ACSS1: variants seen among roughly 807,000 people sequenced by gnomAD.
ACSS1 encodes the protein acyl-CoA synthetase short chain family member 1.
In ACSS1, 42 loss-of-function variants were observed where a neutral mutation model predicts 75.3. That is an observed-to-expected ratio of 0.56 (90% CI 0.44 to 0.72). ACSS1 has a LOEUF of 0.72. ACSS1 is among the 30% of genes least tolerant of loss of function. The pLI is 0.00. For missense variants in ACSS1, 782 were observed against 935.7 expected (o/e 0.84, Z 2.14); for synonymous variants, 380 against 376.8 (o/e 1.01, Z -0.10).
chr20:25,055,080 A>G (rs1600355507), intron 1 of ACSS1, among the ~76,000 whole-genome samples: 1 of 152,308 alleles, frequency 6.6e-6, no homozygotes, highest in Middle Eastern at 3.4e-3. Flanking sequence ...CTTCTGTTTT[A>G]TGGAATGGGG....
At chr20:25,013,442 C>G in intron 10 of ACSS1, 94 bp downstream of exon 10, 1 of 1,477,422 alleles carries the variant, frequency 6.8e-7, no homozygotes, top group Non-Finnish European at 9.1e-7. Context: ...CACAGTGTTA[C>G]GCTGCACTCA....
chr20:25,023,158 CT>C lies in ACSS1; in HGVS notation c.808-67del. The C allele has an allele frequency of 1.9e-6, 3 of 1,541,848 alleles. No individual in the cohort carries two copies. In the South Asian group the frequency reaches 3.7e-5, roughly 19 times the overall value. ...AGCCTCTCTGAGAGCAGCACTCCCC[CT>C]CCGCAGCAGGACTCCACACACAGGA... On this transcript the variant is annotated intron_variant, in intron 4 of 13. Transcript: ENST00000323482.
At chr20:25,036,039 C>A (rs957216486) in intron 2 of ACSS1, among the ~76,000 whole-genome samples, 2 of 152,194 alleles carry the variant, frequency 1.3e-5, no homozygotes, top group Admixed American at 6.5e-5. Flanking sequence ...TTATGTAGCA[C>A]CCTAGTGGGT....
intron 2 of ACSS1, among the ~76,000 whole-genome samples, chr20:25,039,901 C>A (rs1292031247): frequency 6.6e-6 from 1 of 152,212 alleles, no homozygotes; most frequent in African/African-American, 2.4e-5. Flanking sequence ...CTGCGGGAAC[C>A]AGGTGTCAAT....
intron 10 of ACSS1, 64 bp from the exon 11 acceptor site, chr20:25,013,003 G>A: frequency 6.2e-7 from 1 of 1,609,526 alleles, no homozygotes; most frequent in Non-Finnish European, 8.5e-7. Flanking sequence ...CCCAACCTCA[G>A]TAAGCGTGAA....
At chr20:25,053,060 CTT>C (rs1171891974) in intron 1 of ACSS1, among the ~76,000 whole-genome samples, 30 of 118,100 alleles carry the variant, frequency 2.5e-4, no homozygotes, top group Middle Eastern at 4.5e-3. Context: ...TCACAATGAG[CTT>C]TTTTTTTTTT....
intron 2 of ACSS1, among the ~76,000 whole-genome samples, chr20:25,041,485 C>T (rs1004938846): frequency 6.6e-6 from 1 of 152,282 alleles, no homozygotes; most frequent in African/African-American, 2.4e-5. Context: ...TCCATGGCAG[C>T]CCTTGTCCCC....
chr20:25,009,224 G>A lies in ACSS1; in HGVS notation c.1890+46C>T, dbSNP rs371407895. The A allele has an allele frequency of 9.7e-6, 14 of 1,438,726 alleles. No individual in the cohort carries two copies. The African/African-American group carries it at 1.4e-4, about 14-fold the overall frequency. The allele number at this position is 1,438,726 out of a possible 1,614,324, so 89.1% of individuals were successfully genotyped here. ...AAGATCATTGTCACTTGACAATTGT[G>A]GGAAGAACAGCAGCACAGCCCCATC... On this transcript the variant is annotated intron_variant, in intron 13 of 13. Transcript: ENST00000323482.
At chr20:25,018,093 C>T (rs1039843028) in intron 7 of ACSS1, among the ~76,000 whole-genome samples, 4 of 152,206 alleles carry the variant, frequency 2.6e-5, no homozygotes, top group Non-Finnish European at 5.9e-5. Context: ...TTGTCCCCTC[C>T]AAATCTCACG....
At chr20:25,041,700 T>A (rs6050268) in intron 2 of ACSS1, among the ~76,000 whole-genome samples, 120,693 of 146,728 alleles carry the variant, frequency 0.82, 48,238 homozygotes, top group East Asian at 0.99. Context: ...AGTCCAAAAA[T>A]CTAATGGGTT....
intron 5 of ACSS1, among the ~76,000 whole-genome samples, chr20:25,022,705 C>T (rs569994406): frequency 6.6e-6 from 1 of 152,374 alleles, no homozygotes; most frequent in Non-Finnish European, 1.5e-5. Context: ...CCTGCTGCCG[C>T]GTTACATGAT....
At chr20:25,021,297 C>A (rs1487032783) in intron 6 of ACSS1, 92 bp downstream of exon 6, 35 of 1,489,082 alleles carry the variant, frequency 2.4e-5, no homozygotes, top group Non-Finnish European at 3.1e-5. Context: ...ACCCAGGCGT[C>A]CCCCTTCCAT....
intron 12 of ACSS1, 76 bp from the exon 13 acceptor site, chr20:25,009,464 C>T: frequency 1.7e-6 from 2 of 1,172,312 alleles, no homozygotes; most frequent in Non-Finnish European, 2.5e-6. Flanking sequence ...GTGCTATGCA[C>T]AGACTGCCAG....
At chr20:25,039,411 C>CT (rs2088967181) in intron 2 of ACSS1, among the ~76,000 whole-genome samples, 1 of 152,060 alleles carries the variant, frequency 6.6e-6, no homozygotes, top group Non-Finnish European at 1.5e-5. Flanking sequence ...AGTTAGTTCA[C>CT]TTTTTTAATA....
chr20:25,034,632 G>A (rs1202876432), intron 2 of ACSS1, among the ~76,000 whole-genome samples: 3 of 151,794 alleles, frequency 2.0e-5, no homozygotes, highest in African/African-American at 4.8e-5. Context: ...GCAATGGCAC[G>A]ATCTCAGCTC....
At chr20:25,036,854 C>T (rs1411379907) in intron 2 of ACSS1, among the ~76,000 whole-genome samples, 1 of 151,276 alleles carries the variant, frequency 6.6e-6, no homozygotes, top group Admixed American at 6.6e-5. Context: ...ACTTGGGAGG[C>T]TAAGGCAGGA....
chr20:25,034,456 A>G (rs1304297457), intron 2 of ACSS1, among the ~76,000 whole-genome samples: 1 of 151,860 alleles, frequency 6.6e-6, no homozygotes, highest in African/African-American at 2.4e-5. Flanking sequence ...GCCCTCCATG[A>G]CGGCACTCGA....
At chr20:25,052,336 G>C (rs1372802215) in intron 1 of ACSS1, among the ~76,000 whole-genome samples, 2 of 152,192 alleles carry the variant, frequency 1.3e-5, no homozygotes, top group Non-Finnish European at 2.9e-5. Context: ...GCAATTTAAA[G>C]TGTAGCTGAA....
chr20:25,040,981 G>A (rs1197670089), intron 2 of ACSS1, among the ~76,000 whole-genome samples: 1 of 152,136 alleles, frequency 6.6e-6, no homozygotes, highest in Admixed American at 6.5e-5. Context: ...TAATTTGTCC[G>A]GGCGCAGTGG....
Sources: gnomAD v4.1 joint callset for allele counts (sites outside exome capture counted in the v4.1 genomes callset) on GRCh38, gnomAD v4.1.1 for gene constraint, MANE v1.5 for transcripts, NCBI Gene and HGNC (gene_info 2026-07-23, HGNC 2026-07-21) for gene names.